The following SLC2A13 variants were observed in gnomAD, a reference collection of about 807,000 sequenced individuals.
The protein encoded by SLC2A13 is proton myo-inositol cotransporter.
SLC2A13 carries 32 observed loss-of-function variants against 64.4 expected under a neutral mutation model. That is an observed-to-expected ratio of 0.50 (90% CI 0.37 to 0.67). The LOEUF (loss-of-function observed/expected upper bound fraction) is 0.67, where lower values mean the gene tolerates loss of function less well. SLC2A13 is among the 30% of genes least tolerant of loss of function. The probability of loss-of-function intolerance (pLI) is 0.00; values close to 1 mark genes in which losing one functional copy is unlikely to be tolerated. For synonymous variants in SLC2A13, 338 were observed against 327.1 expected (o/e 1.03, Z -0.36); for missense variants, 743 against 829.2 (o/e 0.90, Z 1.28).
chr12:39,783,823 AC>A (rs1383827193), intron 7 of SLC2A13, among the ~76,000 whole-genome samples: 1 of 152,010 alleles, frequency 6.6e-6, no homozygotes, highest in Non-Finnish European at 1.5e-5. Context: ...TATTTAGAAA[AC>A]CCCATCGTCG....
chr12:40,094,708 T>C (rs1036528599), intron 1 of SLC2A13, among the ~76,000 whole-genome samples: 2 of 152,228 alleles, frequency 1.3e-5, no homozygotes, highest in Middle Eastern at 3.4e-3. Context: ...CTGTTTTATG[T>C]AAAATAAAGG....
intron 3 of SLC2A13, among the ~76,000 whole-genome samples, chr12:40,027,565 T>G (rs988379599): frequency 6.6e-6 from 1 of 152,198 alleles, no homozygotes; most frequent in Non-Finnish European, 1.5e-5. Context: ...TGTGTAGACA[T>G]GTATCAGCAA....
rs1397836384 is a variant in SLC2A13, at chr12:39,833,148, G to T, written c.1320-2920C>A. On this transcript the variant is annotated intron_variant, in intron 6 of 9. Coordinates refer to ENST00000280871, the MANE Select transcript of SLC2A13 (RefSeq NM_052885.4). The stretch of plus-strand genomic sequence containing the variant: ...GCGTACCACTTACTCTGTAAAAAAG[G>T]TTTACAGAAACACAGCCATGTCCAT... Among the ~76,000 whole-genome samples, 23 of 152,166 alleles carry T rather than the reference G, an allele frequency of 1.5e-4. 1 individual carries two copies. The East Asian group carries it at 4.1e-3, about 27-fold the overall frequency.
At chr12:40,083,339 A>C (rs556784018) in intron 1 of SLC2A13, among the ~76,000 whole-genome samples, 19 of 152,092 alleles carry the variant, frequency 1.2e-4, no homozygotes, top group African/African-American at 4.1e-4. Flanking sequence ...TAAAACCAGG[A>C]TTTTCTCTTA....
intron 6 of SLC2A13, among the ~76,000 whole-genome samples, chr12:39,844,734 A>C (rs1360059754): frequency 6.6e-6 from 1 of 152,110 alleles, no homozygotes; most frequent in Non-Finnish European, 1.5e-5. Flanking sequence ...TACTCAACTC[A>C]GTCTGAGCTT....
chr12:40,036,886 C>T (rs771133689), intron 2 of SLC2A13, among the ~76,000 whole-genome samples: 3 of 152,174 alleles, frequency 2.0e-5, no homozygotes, highest in Non-Finnish European at 4.4e-5. Flanking sequence ...GAGAATAAAG[C>T]TGGCTGCAAT....
At chr12:39,864,938 G>A (rs1943867856) in intron 5 of SLC2A13, 56 bp from the exon 6 acceptor site, 2 of 1,486,776 alleles carry the variant, frequency 1.3e-6, no homozygotes, top group Non-Finnish European at 1.8e-6. Context: ...TTTTAAGGCA[G>A]ACTGGGTTTG....
intron 7 of SLC2A13, among the ~76,000 whole-genome samples, chr12:39,789,488 A>G (rs753296912): frequency 6.6e-6 from 1 of 152,304 alleles, no homozygotes; most frequent in African/African-American, 2.4e-5. Context: ...ATTACAAATA[A>G]TGCTGCTATG....
chr12:39,882,324 G>T (rs1356091183), intron 4 of SLC2A13, among the ~76,000 whole-genome samples: 1 of 152,036 alleles, frequency 6.6e-6, no homozygotes, highest in East Asian at 1.9e-4. Context: ...AAATTTTCAG[G>T]TGATGCTGAT....
At chr12:39,776,602 G>A (rs766435584) in intron 7 of SLC2A13, among the ~76,000 whole-genome samples, 1 of 152,226 alleles carries the variant, frequency 6.6e-6, no homozygotes, top group Non-Finnish European at 1.5e-5. Context: ...GAAGCCATGA[G>A]GTAAAGAAGG....
intron 1 of SLC2A13, among the ~76,000 whole-genome samples, chr12:40,050,298 G>A (rs954921244): frequency 6.6e-6 from 1 of 152,156 alleles, no homozygotes; most frequent in Non-Finnish European, 1.5e-5. Context: ...TGTAGCCCCA[G>A]ATTTGAGCAT....
chr12:39,878,661 A>G (rs1460741779), intron 4 of SLC2A13, among the ~76,000 whole-genome samples: 1 of 152,256 alleles, frequency 6.6e-6, no homozygotes, highest in East Asian at 1.9e-4. Flanking sequence ...GGAATTACTT[A>G]AAGTTGCTGC....
chr12:40,007,612 G>A (rs959198361), intron 3 of SLC2A13, among the ~76,000 whole-genome samples: 8 of 152,244 alleles, frequency 5.3e-5, no homozygotes, highest in East Asian at 3.9e-4. Context: ...ACATTGAAGA[G>A]TGTATACTGT....
At chr12:39,866,168 G>A (rs1943905717) in intron 5 of SLC2A13, among the ~76,000 whole-genome samples, 1 of 152,146 alleles carries the variant, frequency 6.6e-6, no homozygotes, top group Non-Finnish European at 1.5e-5. Context: ...TTTAAATTAT[G>A]AACAAAAATA....
chr12:39,957,911 T>C (rs570596983), intron 3 of SLC2A13, among the ~76,000 whole-genome samples: 1 of 152,206 alleles, frequency 6.6e-6, no homozygotes, highest in East Asian at 1.9e-4. Context: ...GATGGGGTCA[T>C]CCACCAAAAC....
At chr12:39,869,366 C>G (rs1943987042) in intron 5 of SLC2A13, among the ~76,000 whole-genome samples, 1 of 152,194 alleles carries the variant, frequency 6.6e-6, no homozygotes, top group African/African-American at 2.4e-5. Flanking sequence ...GCACCATTTA[C>G]TATGTGTACA....
chr12:39,898,431 T>C (rs1944985931), intron 4 of SLC2A13, among the ~76,000 whole-genome samples: 1 of 152,084 alleles, frequency 6.6e-6, no homozygotes, highest in South Asian at 2.1e-4. Context: ...AAATAACCAG[T>C]GTTTGTGTGT....
intron 3 of SLC2A13, among the ~76,000 whole-genome samples, chr12:40,024,559 A>T (rs1156998971): frequency 6.6e-6 from 1 of 152,066 alleles, no homozygotes; most frequent in Non-Finnish European, 1.5e-5. Flanking sequence ...CATTCCCTCT[A>T]TAAGCATTTT....
At chr12:39,950,615 G>C (rs970909570) in intron 4 of SLC2A13, 1 of 152,186 alleles carries the variant, frequency 6.6e-6, no homozygotes, top group African/African-American at 2.4e-5. Context: ...TGTAGGTCTA[G>C]TGCAACAGAG....
Sources: gnomAD v4.1 joint callset for allele counts (sites outside exome capture counted in the v4.1 genomes callset) on GRCh38, gnomAD v4.1.1 for gene constraint, MANE v1.5 for transcripts, NCBI Gene and HGNC (gene_info 2026-07-23, HGNC 2026-07-21) for gene names.